The following MYO10 variants were observed in gnomAD, a reference collection of about 807,000 sequenced individuals.
The protein encoded by MYO10 is myosin X, also known as unconventional myosin-X.
Under a neutral mutation model 257.3 loss-of-function variants are expected in MYO10, and 133 were observed. The observed-to-expected ratio is 0.52, with a 90% CI of 0.45 to 0.60. The LOEUF (loss-of-function observed/expected upper bound fraction) is 0.60, where lower values mean the gene tolerates loss of function less well. Among genes scored for constraint, MYO10 ranks in the 20% least tolerant of loss-of-function variants. The pLI, the probability that MYO10 is intolerant of heterozygous loss-of-function variation, is 0.00. For synonymous variants in MYO10, 1,104 were observed against 1,028.6 expected (o/e 1.07, Z -1.40); for missense variants, 2,399 against 2,635.7 (o/e 0.91, Z 1.97).
intron 18 of MYO10, 147 bp downstream of exon 18, chr5:16,757,971 A>T (rs1187808351): frequency 3.0e-6 from 2 of 666,152 alleles, no homozygotes; most frequent in African/African-American, 3.6e-5. Context: ...TTTTATTTCT[A>T]AAGCACTATC....
At chr5:16,713,194 G>C in intron 19 of MYO10, 1 of 522,494 alleles carries the variant, frequency 1.9e-6, no homozygotes, top group Non-Finnish European at 2.5e-6. Context: ...GGCTTTCCCT[G>C]TTCCTGATCC....
At chr5:16,784,190 C>A (rs970323350) in intron 4 of MYO10, among the ~76,000 whole-genome samples, 1 of 152,204 alleles carries the variant, frequency 6.6e-6, no homozygotes, top group Non-Finnish European at 1.5e-5. Flanking sequence ...CAAGAAAGCA[C>A]AGAAACCACA....
intron 6 of MYO10, 38 bp downstream of exon 6, chr5:16,781,667 A>C: frequency 6.3e-7 from 1 of 1,578,412 alleles, no homozygotes; most frequent in Non-Finnish European, 8.7e-7. Context: ...CACTTAGAGA[A>C]TCAATTACTA....
At chr5:16,711,599 T>C (rs1738622999) in intron 19 of MYO10, among the ~76,000 whole-genome samples, 1 of 152,146 alleles carries the variant, frequency 6.6e-6, no homozygotes, top group South Asian at 2.1e-4. Context: ...CTGGCCAATA[T>C]GGTGAAACCC....
intron 2 of MYO10, among the ~76,000 whole-genome samples, 189 bp from the exon 3 acceptor site, chr5:16,818,356 G>A (rs911449344): frequency 2.4e-5 from 3 of 126,182 alleles, no homozygotes; most frequent in Non-Finnish European, 4.9e-5. Context: ...CTCTGTGTGT[G>A]TATGTATGTG....
chr5:16,800,419 G>T (rs1242788107), intron 3 of MYO10, among the ~76,000 whole-genome samples: 1 of 152,130 alleles, frequency 6.6e-6, no homozygotes, highest in East Asian at 1.9e-4. Flanking sequence ...TTAAAATTCT[G>T]CATAAATATT....
intron 2 of MYO10, among the ~76,000 whole-genome samples, chr5:16,845,926 T>G (rs1259411518): frequency 1.3e-5 from 2 of 151,720 alleles, no homozygotes; most frequent in Non-Finnish European, 2.9e-5. Context: ...ATCACACCAC[T>G]GCATTGCAGC....
At chr5:16,740,701 A>G (rs1739987720) in intron 19 of MYO10, among the ~76,000 whole-genome samples, 1 of 152,130 alleles carries the variant, frequency 6.6e-6, no homozygotes, top group African/African-American at 2.4e-5. Context: ...GCAAGCAGCA[A>G]TGCGGTTCCG....
At chr5:16,761,077 A>G (rs1038802233) in intron 17 of MYO10, among the ~76,000 whole-genome samples, 6 of 151,802 alleles carry the variant, frequency 4.0e-5, no homozygotes, top group African/African-American at 1.2e-4. Flanking sequence ...TGCAACCTCC[A>G]CCTCCCAGGT....
chr5:16,774,192 G>C (rs577747681), intron 9 of MYO10, among the ~76,000 whole-genome samples: 1 of 152,236 alleles, frequency 6.6e-6, no homozygotes, highest in Non-Finnish European at 1.5e-5. Flanking sequence ...ATGTGTGTTG[G>C]GGGATGGTGG....
At chr5:16,761,899 T>C in intron 16 of MYO10, 146 bp downstream of exon 16, 2 of 793,692 alleles carry the variant, frequency 2.5e-6, no homozygotes, top group Admixed American at 3.6e-5. Context: ...GTGATCCTCC[T>C]GCCTCAGCCT....
intron 19 of MYO10, among the ~76,000 whole-genome samples, chr5:16,717,192 AGCTTTGCGTT>A: frequency 6.6e-6 from 1 of 152,224 alleles, no homozygotes; most frequent in Non-Finnish European, 1.5e-5. Flanking sequence ...AGTCTCAAAG[AGCTTTGCGTT>A]CCTGAAAACT....
In MYO10 at chr5:16,685,696, C is replaced by T. The variant is rs369466786; in HGVS notation, c.3990+42G>A. 5 of 1,050,708 alleles carry T rather than the reference C, an allele frequency of 4.8e-6. No homozygotes were observed. The African/African-American group carries it at 6.4e-5, about 13-fold the overall frequency. The allele number at this position is 1,050,708 out of a possible 1,614,324, so 65.1% of individuals were successfully genotyped here. On this transcript the variant is annotated intron_variant, in intron 29 of 40. Coordinates refer to ENST00000513610, the MANE Select transcript of MYO10 (RefSeq NM_012334.3). ...CATCCTGACGCCCTCCCCGTCCCTG[C>T]CCCTAGACGCCCCACCCCCATCCCA...
chr5:16,845,977 A>C (rs1743625909), intron 2 of MYO10, among the ~76,000 whole-genome samples: 1 of 152,116 alleles, frequency 6.6e-6, no homozygotes, highest in Admixed American at 6.6e-5. Context: ...AAAAAAGAAA[A>C]GGAAAAGAAT....
rs1047876835 is a variant in MYO10, at chr5:16,702,784, T to C, written c.2510+141A>G. 21 of 950,184 alleles carry C rather than the reference T, an allele frequency of 2.2e-5. No individual in the cohort carries two copies. The African/African-American group carries it at 3.5e-4, about 16-fold the overall frequency. The allele number at this position is 950,184 out of a possible 1,614,324, so 58.9% of individuals were successfully genotyped here. ...GGTCTTTAATGCTGCCAAGGAATTT[T>C]ATATTCTAGCCACCTAGAGTTACTG... is the stretch of plus-strand genomic sequence containing the variant. On this transcript the variant is annotated intron_variant, in intron 23 of 40. Transcript: ENST00000513610.
intron 1 of MYO10, chr5:16,916,144 T>C (rs1027423312): frequency 6.6e-6 from 3 of 456,046 alleles, no homozygotes; most frequent in African/African-American, 2.0e-5. Flanking sequence ...CAAGCCCAGA[T>C]TTCCACCATG....
At chr5:16,905,526 C>T (rs1267070537) in intron 1 of MYO10, among the ~76,000 whole-genome samples, 1 of 152,150 alleles carries the variant, frequency 6.6e-6, no homozygotes, top group Non-Finnish European at 1.5e-5. Context: ...TCCCGTCCTG[C>T]AGGAACAGCC....
At chr5:16,902,181 G>A (rs1745397066) in intron 1 of MYO10, 9 of 619,554 alleles carry the variant, frequency 1.5e-5, no homozygotes, top group Non-Finnish European at 2.3e-5. Flanking sequence ...AAGTAGTTGG[G>A]ATTACAGGTG....
chr5:16,915,947 ACT>A, intron 1 of MYO10: 1 of 423,084 alleles, frequency 2.4e-6, no homozygotes, highest in South Asian at 1.6e-5. Context: ...ACAGAGCGAG[ACT>A]CTACGTCAAA....
Sources: allele counts gnomAD v4.1 joint callset (sites outside exome capture counted in the v4.1 genomes callset), GRCh38; gene constraint gnomAD v4.1.1; transcripts MANE v1.5; gene names NCBI Gene and HGNC (gene_info 2026-07-23, HGNC 2026-07-21).